CSMD2: variants seen among roughly 807,000 people sequenced by gnomAD.
CSMD2 encodes the protein CUB and sushi domain-containing protein 2.
A neutral mutation model predicts 398.5 loss-of-function variants in CSMD2; 130 were observed. That is an observed-to-expected ratio of 0.33 (90% CI 0.28 to 0.38). The LOEUF (loss-of-function observed/expected upper bound fraction) is 0.38. Ranked by LOEUF, CSMD2 falls within the 10% of genes least tolerant of loss-of-function variation. CSMD2 has a pLI of 1.00. For missense variants in CSMD2, 3,829 were observed against 4,764.9 expected, an observed-to-expected ratio of 0.80 and a Z score of 5.78; for synonymous variants, 1,828 against 1,908.5, an observed-to-expected ratio of 0.96 and a Z score of 1.10.
intron 5 of CSMD2, among the ~76,000 whole-genome samples, chr1:33,868,742 C>T (rs1640222312): frequency 6.6e-6 from 1 of 150,702 alleles, no homozygotes; most frequent in African/African-American, 2.4e-5. Flanking sequence ...TCTTAACAAA[C>T]AAACAAACAA....
chr1:33,798,443 G>C (rs1655208710), intron 10 of CSMD2, among the ~76,000 whole-genome samples: 1 of 152,218 alleles, frequency 6.6e-6, no homozygotes, highest in South Asian at 2.1e-4. Context: ...TGCTGGAGGA[G>C]TGCAAAGAGG....
At chr1:33,914,722 A>C (rs989931963) in intron 5 of CSMD2, among the ~76,000 whole-genome samples, 1 of 152,194 alleles carries the variant, frequency 6.6e-6, no homozygotes, top group African/African-American at 2.4e-5. Flanking sequence ...TGATTGCTGC[A>C]TGTATACTGT....
intron 2 of CSMD2, among the ~76,000 whole-genome samples, chr1:34,059,078 C>A (rs1254092834): frequency 6.6e-6 from 1 of 152,134 alleles, no homozygotes; most frequent in Non-Finnish European, 1.5e-5. Context: ...CATGGCAGGA[C>A]ACAAGTAAGT....
intron 1 of CSMD2, among the ~76,000 whole-genome samples, chr1:34,162,264 G>GA (rs1641411784): frequency 6.6e-6 from 1 of 150,680 alleles, no homozygotes; most frequent in East Asian, 2.0e-4. Flanking sequence ...TGGGGAGGGG[G>GA]AGGGGGAGTG....
At chr1:33,949,328 C>T (rs188452381) in intron 3 of CSMD2, among the ~76,000 whole-genome samples, 2 of 152,286 alleles carry the variant, frequency 1.3e-5, no homozygotes, top group East Asian at 3.9e-4. Flanking sequence ...AGAGAGAAGC[C>T]GGGTACAGTG....
intron 13 of CSMD2, among the ~76,000 whole-genome samples, chr1:33,751,086 T>A (rs1648172299): frequency 6.6e-6 from 1 of 151,878 alleles, no homozygotes; most frequent in Non-Finnish European, 1.5e-5. Context: ...CATAGAAATA[T>A]TGGCCAAGGA....
intron 39 of CSMD2, among the ~76,000 whole-genome samples, chr1:33,615,111 A>G (rs1387153342): frequency 6.6e-6 from 1 of 152,190 alleles, no homozygotes; most frequent in Non-Finnish European, 1.5e-5. Flanking sequence ...TTCAGGGGGC[A>G]GGGTGGGCGG....
At chr1:33,673,598 GA>G (rs1644593158) in intron 25 of CSMD2, among the ~76,000 whole-genome samples, 1 of 152,126 alleles carries the variant, frequency 6.6e-6, no homozygotes, top group African/African-American at 2.4e-5. Context: ...TCAAATTCAG[GA>G]AATACAGAGA....
intron 25 of CSMD2, among the ~76,000 whole-genome samples, chr1:33,683,245 C>T (rs1161624863): frequency 6.6e-6 from 1 of 152,162 alleles, no homozygotes; most frequent in East Asian, 1.9e-4. Flanking sequence ...CATCCATCTT[C>T]TATTGATCAT....
chr1:33,969,954 G>A (rs1645696502), intron 3 of CSMD2, among the ~76,000 whole-genome samples: 1 of 151,874 alleles, frequency 6.6e-6, no homozygotes, highest in Admixed American at 6.6e-5. Flanking sequence ...ACTAAAAAAA[G>A]ATTCAACCGG....
At chr1:33,716,259 C>T (rs749977435) in intron 20 of CSMD2, 27 bp downstream of exon 20, 4 of 1,576,162 alleles carry the variant, frequency 2.5e-6, no homozygotes, top group East Asian at 4.5e-5. Flanking sequence ...ATGGTCTCTT[C>T]CCCTCAGGGA....
intron 49 of CSMD2, among the ~76,000 whole-genome samples, chr1:33,577,064 C>T (rs556668428): frequency 3.0e-4 from 45 of 152,284 alleles, no homozygotes; most frequent in East Asian, 2.9e-3. Context: ...GCTCCTGACA[C>T]GACACTTCCT....
chr1:33,762,284 C>T (rs894973408), intron 13 of CSMD2, among the ~76,000 whole-genome samples: 3 of 152,206 alleles, frequency 2.0e-5, no homozygotes, highest in Admixed American at 2.0e-4. Flanking sequence ...CTGTTGGCCT[C>T]CACAGCTCTC....
chr1:34,040,922 C>T lies in CSMD2; in HGVS notation c.405-8216G>A, dbSNP rs1033899716. 9.2e-5 allele frequency among the ~76,000 whole-genome samples: 14 copies of T among 152,126 alleles called. No homozygotes were observed. In the East Asian group the frequency reaches 2.1e-3, roughly 23 times the overall value. Reference sequence around the variant, plus strand: ...GGAGTATCGCTTGAGGCCAGGAGTTCGAGATCACCCTGGTCAATATAGTGA... The same window carrying T: ...GGAGTATCGCTTGAGGCCAGGAGTTTGAGATCACCCTGGTCAATATAGTGA... On this transcript the variant is annotated intron_variant, in intron 2 of 70. Coordinates refer to ENST00000373381, the MANE Select transcript of CSMD2 (RefSeq NM_001281956.2).
intron 39 of CSMD2, among the ~76,000 whole-genome samples, chr1:33,616,394 C>T (rs1641389003): frequency 6.6e-6 from 1 of 152,162 alleles, no homozygotes; most frequent in African/African-American, 2.4e-5. Context: ...TGTGCCACCA[C>T]ATCTGCCTAA....
intron 3 of CSMD2, among the ~76,000 whole-genome samples, chr1:33,947,688 C>A (rs147178583): frequency 6.6e-6 from 1 of 152,176 alleles, no homozygotes; most frequent in Non-Finnish European, 1.5e-5. Flanking sequence ...GTGAACAGGG[C>A]GACTGCAAAA....
At chr1:33,541,391 A>T (rs1044585163) in intron 58 of CSMD2, 82 bp from the exon 59 acceptor site, 43 of 1,049,342 alleles carry the variant, frequency 4.1e-5, no homozygotes, top group Non-Finnish European at 5.4e-5. Context: ...CACTCCCTGC[A>T]TGCATCCAAG....
intron 12 of CSMD2, among the ~76,000 whole-genome samples, chr1:33,776,867 G>T (rs1298019731): frequency 6.6e-6 from 1 of 152,142 alleles, no homozygotes; most frequent in Non-Finnish European, 1.5e-5. Flanking sequence ...AGTAAAGGGA[G>T]TGTCATGTGA....
chr1:33,810,892 T>C (rs756266684), intron 9 of CSMD2, 28 bp from the exon 10 acceptor site: 1 of 1,606,806 alleles, frequency 6.2e-7, no homozygotes, highest in Admixed American at 1.7e-5. Flanking sequence ...GACAAGCCTT[T>C]GAATTAAGAC....
Sources: allele counts gnomAD v4.1 joint callset (sites outside exome capture counted in the v4.1 genomes callset), GRCh38; gene constraint gnomAD v4.1.1; transcripts MANE v1.5; gene names NCBI Gene and HGNC (gene_info 2026-07-23, HGNC 2026-07-21).